The following MYBL1 variants were observed in gnomAD, a reference collection of about 807,000 sequenced individuals.
The protein encoded by MYBL1 is myb-related protein A.
MYBL1 carries 17 observed loss-of-function variants against 96.3 expected under a neutral mutation model. That is an observed-to-expected ratio of 0.18 (90% CI 0.12 to 0.26). The LOEUF (loss-of-function observed/expected upper bound fraction) is 0.26. MYBL1 is among the 10% of genes least tolerant of loss of function. The pLI is 1.00. For synonymous variants in MYBL1, 282 were observed against 292.7 expected (o/e 0.96, Z 0.37); for missense variants, 701 against 882.9 (o/e 0.79, Z 2.61).
chr8:66,608,577 A>G (rs1340819415), intron 1 of MYBL1, among the ~76,000 whole-genome samples: 3 of 152,184 alleles, frequency 2.0e-5, no homozygotes, highest in Non-Finnish European at 4.4e-5. Flanking sequence ...GAAAACAGGG[A>G]AAGGATAAAA....
At chr8:66,590,184 G>T (rs905815171) in intron 8 of MYBL1, among the ~76,000 whole-genome samples, 18 of 152,066 alleles carry the variant, frequency 1.2e-4, no homozygotes, top group African/African-American at 3.6e-4. Context: ...GTAGTATAAA[G>T]ACATCACCAG....
Position 66,576,135 on chromosome 8 carries a change from T to G in MYBL1, c.1342A>C (p.Arg448=), listed in dbSNP as rs754337359. 3.1e-6 allele frequency: 5 copies of G among 1,614,016 alleles called. No individual in the cohort carries two copies. The Admixed American group carries it at 8.3e-5, about 27-fold the overall frequency. Residue 448 remains arginine, a synonymous_variant, in exon 10 of 16, where the codon AGA becomes CGA. Transcript: ENST00000522677. ...AKFSTPPAIL[R]KKRKMRVGHS... is the part of the protein sequence containing the mutation. ...CCCACTCGCATTTTTCTCTTCTTTC[T>G]GAGGATGGCTGGTGGAGTGCTAAAC...
At chr8:66,602,338 A>G in intron 2 of MYBL1, 80 bp downstream of exon 2, 1 of 962,188 alleles carries the variant, frequency 1.0e-6, no homozygotes, top group Non-Finnish European at 1.5e-6. Context: ...GGCGTGAGCC[A>G]CCACACCTGG....
chr8:66,575,417 T>C (rs1370942086), intron 10 of MYBL1, among the ~76,000 whole-genome samples: 1 of 152,212 alleles, frequency 6.6e-6, no homozygotes, highest in Non-Finnish European at 1.5e-5. Flanking sequence ...ATGTTACCTT[T>C]CCGGGCTTGT....
At chr8:66,600,183 T>C (rs1810013870) in intron 3 of MYBL1, among the ~76,000 whole-genome samples, 2 of 152,214 alleles carry the variant, frequency 1.3e-5, no homozygotes, top group South Asian at 4.1e-4. Context: ...CAGAACCTGG[T>C]AACTCCTATA....
rs1448001987 is a variant in MYBL1 at position 66,595,654 on chromosome 8, T to C, written c.616A>G (p.Lys206Glu). The C allele has an allele frequency of 6.3e-7, 1 of 1,589,692 alleles. No individual in the cohort carries two copies. Among genetic ancestry groups the C allele is most frequent in the Non-Finnish European group, 8.6e-7 (1 of 1,166,754 alleles). ...GCTGCACAAGGTTTGTGTTGAAGTT[T>C]AGATGAAGATCGTTCTGATTTTATT... ...DGIKSERSSS[K>E]LQHKPCAAMD... The change falls in exon 6 of 16, where the codon AAA becomes GAA. Residue 206 changes from lysine to glutamate, a missense_variant. Lys to Glu is a moderately conservative substitution (Grantham distance 56). Around this residue, in one of 5 missense-constraint regions of MYBL1, gnomAD observed 396 missense variants for 407.4 expected, o/e 0.97. Coordinates refer to ENST00000522677, the MANE Select transcript of MYBL1 (RefSeq NM_001080416.4).
At chr8:66,601,647 C>A in intron 3 of MYBL1, 51 bp downstream of exon 3, 1 of 1,033,790 alleles carries the variant, frequency 9.7e-7, no homozygotes, top group South Asian at 1.5e-5. Context: ...CAAATTTAAC[C>A]CAATGCCTTA....
Position 66,576,181 on chromosome 8 carries a change from T to C in MYBL1, c.1296A>G (p.Leu432=). The change falls in exon 10 of 16, where the codon TTA becomes TTG. Residue 432 remains leucine, a synonymous_variant. Coordinates refer to ENST00000522677, the MANE Select transcript of MYBL1 (RefSeq NM_001080416.4). ...TAAACTTGGCTATATTTGGGGATGT[T>C]AAAGGAACAGCTTCACTGTTGCCAC... ...CNGGNSEAVP[L]TSPNIAKFST... 1 of 1,614,020 alleles carries C rather than the reference T, an allele frequency of 6.2e-7. No homozygotes were observed. The highest frequency in any genetic ancestry group is 2.2e-5 in the East Asian group (1 of 44,888).
chr8:66,606,852 G>A (rs1374819355), intron 1 of MYBL1, among the ~76,000 whole-genome samples: 8 of 151,272 alleles, frequency 5.3e-5, no homozygotes, highest in African/African-American at 1.7e-4. Context: ...GTGCAGTGGC[G>A]CAATCTCGGC....
chr8:66,589,461 C>T (rs1040224983), intron 8 of MYBL1, among the ~76,000 whole-genome samples: 3 of 151,854 alleles, frequency 2.0e-5, no homozygotes, highest in Non-Finnish European at 4.4e-5. Context: ...ACTACAGGCA[C>T]GTGCCACCAT....
At chr8:66,572,244 C>T (rs1489288769) in intron 12 of MYBL1, among the ~76,000 whole-genome samples, 3 of 150,780 alleles carry the variant, frequency 2.0e-5, no homozygotes, top group Non-Finnish European at 4.4e-5. Context: ...CACTTGAACC[C>T]AGGGGGTGGA....
In MYBL1 at chr8:66,613,124, C is replaced by T; in HGVS notation, c.-286G>A. 1 of 403,192 alleles carries T rather than the reference C, an allele frequency of 2.5e-6. No individual in the cohort carries two copies. The allele number at this position is 403,192 out of a possible 1,614,324, so 25.0% of individuals were successfully genotyped here. On this transcript the variant is annotated 5_prime_UTR_variant, in exon 1 of 16. Coordinates refer to ENST00000522677, the MANE Select transcript of MYBL1 (RefSeq NM_001080416.4). Reference sequence around the variant, plus strand: ...GCGCGATCCCGCCCTCCGCCGGCTTCTCCCGCCGCTTGTCAGCCTCCCTGC... The same window carrying T: ...GCGCGATCCCGCCCTCCGCCGGCTTTTCCCGCCGCTTGTCAGCCTCCCTGC...
intron 10 of MYBL1, among the ~76,000 whole-genome samples, chr8:66,574,250 CCT>C (rs1423835722): frequency 2.6e-5 from 4 of 152,088 alleles, no homozygotes; most frequent in African/African-American, 9.7e-5. Context: ...GTAATCAAAC[CCT>C]CTTTTACACG....
rs1416046346 is a variant in MYBL1, at chr8:66,563,755, C to A, written c.*942G>T. ...TACATTTTTAGAACTACTTTATAAC[C>A]AGCATGATTTAAAGGGCATAGTGCA... On this transcript the variant is annotated 3_prime_UTR_variant, in exon 16 of 16. Coordinates refer to ENST00000522677, the MANE Select transcript of MYBL1 (RefSeq NM_001080416.4). 1 of 152,136 alleles carries A rather than the reference C, an allele frequency of 6.6e-6. No homozygotes were observed. The highest frequency in any genetic ancestry group is 1.5e-5 in the Non-Finnish European group (1 of 67,852). 9.4% of individuals were successfully genotyped at this position (152,136 alleles called of 1,614,324 possible). A position where few individuals can be genotyped will look rare whatever the true frequency, so the allele number is the denominator to read the frequency against.
intron 11 of MYBL1, among the ~76,000 whole-genome samples, chr8:66,573,107 G>A (rs1467362439): frequency 3.3e-5 from 5 of 151,894 alleles, no homozygotes; most frequent in African/African-American, 7.3e-5. Flanking sequence ...CCAGCTACTC[G>A]GGTGGCTGAG....
At chr8:66,603,378 T>C (rs1481601129) in intron 1 of MYBL1, among the ~76,000 whole-genome samples, 1 of 151,732 alleles carries the variant, frequency 6.6e-6, no homozygotes, top group East Asian at 1.9e-4. Context: ...AGTGATCCAA[T>C]TAACAATACC....
intron 8 of MYBL1, among the ~76,000 whole-genome samples, chr8:66,582,838 G>A (rs931389298): frequency 6.6e-6 from 1 of 151,870 alleles, no homozygotes; most frequent in African/African-American, 2.4e-5. Flanking sequence ...AGAGCACCCA[G>A]CTACATCAAG....
intron 10 of MYBL1, among the ~76,000 whole-genome samples, chr8:66,574,918 G>A (rs1409751571): frequency 1.3e-5 from 2 of 152,218 alleles, no homozygotes; most frequent in Non-Finnish European, 2.9e-5. Flanking sequence ...GCCGGGCGTG[G>A]TGGCACATGC....
chr8:66,598,857 T>C lies in MYBL1; in HGVS notation c.291+193A>G, dbSNP rs558144743. On this transcript the variant is annotated intron_variant, in intron 4 of 15. Coordinates refer to ENST00000522677, the MANE Select transcript of MYBL1 (RefSeq NM_001080416.4). ...CTCAGAAAGAAAGGGCTGTATGTTATACTTGGTTTGACTCAATTTTCTAAA... is the reference window on the plus strand; with the variant it reads ...CTCAGAAAGAAAGGGCTGTATGTTACACTTGGTTTGACTCAATTTTCTAAA... 2.2e-4 allele frequency among the ~76,000 whole-genome samples: 34 copies of C among 152,342 alleles called. No individual in the cohort carries two copies. The South Asian group carries it at 6.2e-3, about 28-fold the overall frequency.
Sources: allele counts gnomAD v4.1 joint callset (sites outside exome capture counted in the v4.1 genomes callset), GRCh38; gene constraint gnomAD v4.1.1; regional missense constraint gnomAD v4.1.1; transcripts MANE v1.5; gene names NCBI Gene and HGNC (gene_info 2026-07-23, HGNC 2026-07-21).